Variants in PLPPR1 observed in about 807,000 individuals in gnomAD.
PLPPR1 encodes the protein phospholipid phosphatase-related protein type 1.
Under a neutral mutation model 33.1 loss-of-function variants are expected in PLPPR1, and 10 were observed. That is an observed-to-expected ratio of 0.30 (90% CI 0.19 to 0.51). The LOEUF (loss-of-function observed/expected upper bound fraction) is 0.51, where lower values mean the gene tolerates loss of function less well. Ranked by LOEUF, PLPPR1 falls within the 20% of genes least tolerant of loss-of-function variation. The pLI is 0.97. For missense variants in PLPPR1, 304 were observed against 408.1 expected, an observed-to-expected ratio of 0.74 and a Z score of 2.20; for synonymous variants, 151 against 151.0, an observed-to-expected ratio of 1.00 and a Z score of 0.00.
intron 2 of PLPPR1, among the ~76,000 whole-genome samples, chr9:101,241,914 T>C (rs1442073703): frequency 6.6e-6 from 1 of 152,092 alleles, no homozygotes; most frequent in Non-Finnish European, 1.5e-5. Context: ...GCCCCAAATG[T>C]AATCATTTAT....
intron 2 of PLPPR1, among the ~76,000 whole-genome samples, chr9:101,268,537 A>G (rs1286002401): frequency 6.6e-6 from 1 of 151,892 alleles, no homozygotes; most frequent in African/African-American, 2.4e-5. Flanking sequence ...TATAAGATGC[A>G]GTTTTAGATC....
At chr9:101,134,048 T>C (rs1242290315) in intron 1 of PLPPR1, among the ~76,000 whole-genome samples, 2 of 152,258 alleles carry the variant, frequency 1.3e-5, no homozygotes, top group Non-Finnish European at 2.9e-5. Flanking sequence ...TTTGAATTAC[T>C]AATATTCAAG....
chr9:101,276,239 A>T (rs1828189810), intron 3 of PLPPR1, among the ~76,000 whole-genome samples: 1 of 152,150 alleles, frequency 6.6e-6, no homozygotes, highest in African/African-American at 2.4e-5. Context: ...TTAAAAAAAA[A>T]TTCACAACAT....
chr9:101,058,898 G>T, intron 1 of PLPPR1, among the ~76,000 whole-genome samples: 1 of 151,950 alleles, frequency 6.6e-6, no homozygotes, highest in Non-Finnish European at 1.5e-5. Flanking sequence ...ATAAATTAAG[G>T]CTCAAAAAAG....
chr9:101,165,391 A>G (rs1430387088), intron 1 of PLPPR1, among the ~76,000 whole-genome samples: 1 of 152,186 alleles, frequency 6.6e-6, no homozygotes, highest in Non-Finnish European at 1.5e-5. Flanking sequence ...CAGTCATCTG[A>G]GAAGGCTTCA....
chr9:101,200,479 C>T (rs1826472774), intron 2 of PLPPR1, among the ~76,000 whole-genome samples: 1 of 152,104 alleles, frequency 6.6e-6, no homozygotes, highest in African/African-American at 2.4e-5. Flanking sequence ...AGTGGAAAAA[C>T]TTTATTCTAA....
At chr9:101,269,818 G>A (rs1461292211) in intron 2 of PLPPR1, 62 bp from the exon 3 acceptor site, 3 of 1,533,860 alleles carry the variant, frequency 2.0e-6, no homozygotes, top group Non-Finnish European at 2.7e-6. Context: ...AGTGTGCTCT[G>A]AGGGGCAAGG....
chr9:101,277,533 G>A (rs1443173930), intron 3 of PLPPR1, among the ~76,000 whole-genome samples: 3 of 152,296 alleles, frequency 2.0e-5, no homozygotes, highest in Admixed American at 1.3e-4. Context: ...ACTGAACTGC[G>A]ATTGAAGCCC....
At chr9:101,101,924 C>T (rs1310690512) in intron 1 of PLPPR1, among the ~76,000 whole-genome samples, 1 of 152,044 alleles carries the variant, frequency 6.6e-6, no homozygotes, top group Non-Finnish European at 1.5e-5. Context: ...AGAGTACTTG[C>T]AAATACAAGT....
At chr9:101,097,185 G>C (rs12379733) in intron 1 of PLPPR1, among the ~76,000 whole-genome samples, 64,399 of 151,772 alleles carry the variant, frequency 0.42, 13,880 homozygotes, top group Non-Finnish European at 0.47. Flanking sequence ...CCTCACCCCA[G>C]AGTTTCTGAT....
chr9:101,194,789 T>C (rs1361239359), intron 2 of PLPPR1, among the ~76,000 whole-genome samples: 1 of 151,170 alleles, frequency 6.6e-6, no homozygotes, highest in Non-Finnish European at 1.5e-5. Flanking sequence ...CTGAGTGCAA[T>C]TACATGTAGT....
At chr9:101,320,386 T>C (rs1293500736) in intron 7 of PLPPR1, among the ~76,000 whole-genome samples, 1 of 152,318 alleles carries the variant, frequency 6.6e-6, no homozygotes, top group East Asian at 1.9e-4. Context: ...TTATTTACCA[T>C]GTATCCTGGC....
chr9:101,097,181 C>T lies in PLPPR1; in HGVS notation c.-46+68079C>T, dbSNP rs187612892. On this transcript the variant is annotated intron_variant, in intron 1 of 7. Transcript: ENST00000374874. Reference sequence around the variant, plus strand: ...CTTGCACAGATTGCTGGGACCTCACCCCAGAGTTTCTGATTCAGCAGATTA... The same window carrying T: ...CTTGCACAGATTGCTGGGACCTCACTCCAGAGTTTCTGATTCAGCAGATTA... Among the ~76,000 whole-genome samples, 216 of 152,218 alleles carry T rather than the reference C, an allele frequency of 1.4e-3. 1 individual carries two copies. Among genetic ancestry groups the T allele is most frequent in the African/African-American group, 4.9e-3 (202 of 41,540 alleles).
At chr9:101,066,689 C>T (rs1588014265) in intron 1 of PLPPR1, among the ~76,000 whole-genome samples, 1 of 152,086 alleles carries the variant, frequency 6.6e-6, no homozygotes, top group Non-Finnish European at 1.5e-5. Flanking sequence ...TTGACATATC[C>T]CCATCATAGT....
intron 1 of PLPPR1, among the ~76,000 whole-genome samples, chr9:101,053,844 A>T (rs1460840544): frequency 1.3e-5 from 2 of 152,118 alleles, no homozygotes; most frequent in African/African-American, 4.8e-5. Flanking sequence ...GAAGCATATG[A>T]TGGCCTCTGA....
intron 1 of PLPPR1, among the ~76,000 whole-genome samples, chr9:101,122,914 GA>G (rs1831194760): frequency 6.6e-6 from 1 of 152,170 alleles, no homozygotes; most frequent in Non-Finnish European, 1.5e-5. Context: ...TCTGTTTCCA[GA>G]ATTGCAAGTA....
intron 2 of PLPPR1, among the ~76,000 whole-genome samples, chr9:101,223,142 T>G: frequency 1.2e-5 from 1 of 86,616 alleles, no homozygotes; most frequent in African/African-American, 5.2e-5. Context: ...GTGAGACCCA[T>G]CTCTACAAAA....
chr9:101,223,161 A>G (rs1295914119), intron 2 of PLPPR1, among the ~76,000 whole-genome samples: 2 of 131,932 alleles, frequency 1.5e-5, no homozygotes, highest in East Asian at 2.6e-4. Context: ...AAAAAAAAAA[A>G]AAAAAAAAAA....
At chr9:101,149,261 A>C (rs1215152191) in intron 1 of PLPPR1, among the ~76,000 whole-genome samples, 1 of 152,232 alleles carries the variant, frequency 6.6e-6, no homozygotes, top group Non-Finnish European at 1.5e-5. Flanking sequence ...AGACACTGGA[A>C]TATAACAGGT....
Sources: gnomAD v4.1 joint callset for allele counts (sites outside exome capture counted in the v4.1 genomes callset) on GRCh38, gnomAD v4.1.1 for gene constraint, MANE v1.5 for transcripts, NCBI Gene and HGNC (gene_info 2026-07-23, HGNC 2026-07-21) for gene names.